The following ADAM18 variants were observed in gnomAD, a reference collection of about 807,000 sequenced individuals.
ADAM18 encodes ADAM metallopeptidase domain 18.
In ADAM18, 117 loss-of-function variants were observed where a neutral mutation model predicts 94.4. The observed-to-expected ratio is 1.24, with a 90% confidence interval of 1.07 to 1.45. The LOEUF (loss-of-function observed/expected upper bound fraction) is 1.45, where lower values mean the gene tolerates loss of function less well. Ranked by LOEUF, ADAM18 falls within the 40% of genes most tolerant of loss-of-function variation. The pLI is 0.00. For missense variants in ADAM18, 936 were observed against 880.0 expected (o/e 1.06, Z -0.81); for synonymous variants, 327 against 291.6 (o/e 1.12, Z -1.24).
At chr8:39,611,156 C>A in intron 6 of ADAM18, 1 of 894,176 alleles carries the variant, frequency 1.1e-6, no homozygotes, top group Non-Finnish European at 1.3e-6. Flanking sequence ...TTTCTTTCAG[C>A]ACTTTGAATA....
intron 6 of ADAM18, among the ~76,000 whole-genome samples, chr8:39,617,641 G>T (rs943020373): frequency 1.3e-5 from 2 of 152,152 alleles, no homozygotes; most frequent in Non-Finnish European, 2.9e-5. Context: ...TATGCACCAT[G>T]GAATACTACA....
Position 39,723,763 on chromosome 8 carries a change from A to T in ADAM18, c.2033A>T (p.Glu678Val). ...TCATTTCTAGGTGACTTTTATACTGAAAAAGGCTACAATACACACTGGAAC... is the reference window on the plus strand; with the variant it reads ...TCATTTCTAGGTGACTTTTATACTGTAAAAGGCTACAATACACACTGGAAC... The part of the protein sequence containing the change: ...NFQKSGDFYT[E>V]KGYNTHWNNW... Residue 678 changes from glutamate (E) to valine (V), a missense_variant, in exon 19 of 20, where the codon GAA (glutamate) becomes GTA (valine). By Grantham distance (121) the Glu-to-Val change is moderately radical. Coordinates refer to ENST00000265707, the MANE Select transcript of ADAM18 (RefSeq NM_014237.3). 1.3e-6 allele frequency: 2 copies of T among 1,518,806 alleles called. No homozygotes were observed. Among genetic ancestry groups the T allele is most frequent in the Non-Finnish European group, 1.8e-6 (2 of 1,137,780 alleles). The allele number at this position is 1,518,806 out of a possible 1,614,324, so 94.1% of individuals were successfully genotyped here.
chr8:39,624,033 C>A (rs1819693407), intron 6 of ADAM18, among the ~76,000 whole-genome samples: 1 of 151,882 alleles, frequency 6.6e-6, no homozygotes, highest in Admixed American at 6.6e-5. Context: ...TGTTTGAGTT[C>A]CTTGTATATT....
intron 14 of ADAM18, among the ~76,000 whole-genome samples, chr8:39,676,994 A>G (rs986090681): frequency 4.6e-5 from 7 of 152,198 alleles, no homozygotes; most frequent in South Asian, 2.1e-4. Flanking sequence ...AAAATAAGCA[A>G]AGTATAGCCA....
At chr8:39,704,260 A>G (rs1822165982) in intron 17 of ADAM18, among the ~76,000 whole-genome samples, 2 of 152,186 alleles carry the variant, frequency 1.3e-5, no homozygotes, top group African/African-American at 4.8e-5. Context: ...ACAAAAAATT[A>G]AAATTTTAGG....
At chr8:39,637,061 ATATATG>A (rs1224880377) in intron 7 of ADAM18, among the ~76,000 whole-genome samples, 197 bp from the exon 8 acceptor site, 5 of 135,208 alleles carry the variant, frequency 3.7e-5, no homozygotes, top group East Asian at 2.2e-4. Flanking sequence ...ATATATATAT[ATATATG>A]TATATACATA....
At chr8:39,689,794 G>A (rs1821718364) in intron 16 of ADAM18, among the ~76,000 whole-genome samples, 1 of 152,158 alleles carries the variant, frequency 6.6e-6, no homozygotes, top group African/African-American at 2.4e-5. Flanking sequence ...GGGCAATGTG[G>A]CCATTTCAGC....
At chr8:39,661,387 G>T (rs1359311305) in intron 12 of ADAM18, among the ~76,000 whole-genome samples, 1 of 143,336 alleles carries the variant, frequency 7.0e-6, no homozygotes, top group Non-Finnish European at 1.5e-5. Flanking sequence ...TGTTAGCCAG[G>T]ATGGTCTCTA....
chr8:39,663,503 G>T (rs1006803670), intron 12 of ADAM18, among the ~76,000 whole-genome samples: 18 of 148,990 alleles, frequency 1.2e-4, no homozygotes, highest in African/African-American at 3.4e-4. Flanking sequence ...GGAGGCTGGG[G>T]TGGGAGGATC....
At chr8:39,621,995 A>G (rs1179090863) in intron 6 of ADAM18, among the ~76,000 whole-genome samples, 1 of 152,148 alleles carries the variant, frequency 6.6e-6, no homozygotes, top group Non-Finnish European at 1.5e-5. Flanking sequence ...TACTTGGGTG[A>G]TGGGATGATC....
At position 39,636,081 on chromosome 8, in the gene ADAM18, A is replaced by C. The variant is rs2167467; in HGVS notation, c.589-1183A>C. ...TCATGCAGCCTGGAGTGCAGTGACAAAATCATAGCTCACCGCAATCTCGAA... is the reference window on the plus strand; with the variant it reads ...TCATGCAGCCTGGAGTGCAGTGACACAATCATAGCTCACCGCAATCTCGAA... On this transcript the variant is annotated intron_variant, in intron 7 of 19. Coordinates refer to ENST00000265707, the MANE Select transcript of ADAM18 (RefSeq NM_014237.3). Among the ~76,000 whole-genome samples the C allele has an allele frequency of 5.5e-3, 838 of 151,498 alleles. 3 individuals carry two copies. The highest frequency in any genetic ancestry group is 0.019 in the African/African-American group (803 of 41,296).
At chr8:39,585,249 A>C (rs781091289) in intron 1 of ADAM18, 27 bp from the exon 2 acceptor site, 37 of 1,594,614 alleles carry the variant, frequency 2.3e-5, no homozygotes, top group Non-Finnish European at 3.2e-5. Context: ...AAACAAAGAC[A>C]AAAACAAACA....
intron 14 of ADAM18, among the ~76,000 whole-genome samples, chr8:39,669,830 A>T (rs1351632595): frequency 6.6e-6 from 1 of 152,192 alleles, no homozygotes; most frequent in Non-Finnish European, 1.5e-5. Flanking sequence ...GTATATACCC[A>T]GTAATGGGAT....
intron 3 of ADAM18, among the ~76,000 whole-genome samples, chr8:39,607,819 T>C (rs1450797803): frequency 6.6e-6 from 1 of 151,984 alleles, no homozygotes; most frequent in East Asian, 1.9e-4. Context: ...TCTGGTTTTT[T>C]TTTTTCCCCC....
rs1820350073 is a variant in ADAM18, at chr8:39,645,373, T to A, written c.945T>A (p.Val315=). The A allele has an allele frequency of 6.2e-7, 1 of 1,612,284 alleles. No individual in the cohort carries two copies. The highest frequency in any genetic ancestry group is 1.3e-5 in the African/African-American group (1 of 74,870). Residue 315 remains valine (V), a synonymous_variant, in exon 11 of 20, where the codon GTT becomes GTA. Transcript: ENST00000265707. ...PDAIGLEGFS[V]IIAQLLGLNV... is the part of the protein sequence containing the mutation. The stretch of plus-strand genomic sequence containing the variant: ...CAATAGGTTTGGAGGGATTTTCGGT[T>A]ATTATAGCTCAACTGCTTGGCCTTA...
intron 19 of ADAM18, 75 bp downstream of exon 19, chr8:39,723,982 C>G (rs1265707568): frequency 1.1e-6 from 1 of 905,436 alleles, no homozygotes; most frequent in Non-Finnish European, 1.5e-6. Flanking sequence ...TTTTATATAA[C>G]ATTTGTTATA....
At chr8:39,720,673 C>A (rs748112758) in intron 18 of ADAM18, among the ~76,000 whole-genome samples, 8 of 151,102 alleles carry the variant, frequency 5.3e-5, no homozygotes, top group Non-Finnish European at 8.9e-5. Flanking sequence ...AGCTTTCATC[C>A]AACTGTACAG....
intron 18 of ADAM18, among the ~76,000 whole-genome samples, chr8:39,714,744 C>A (rs2129581574): frequency 6.6e-6 from 1 of 152,200 alleles, no homozygotes; most frequent in South Asian, 2.1e-4. Context: ...AGTAAGTCCT[C>A]ACTTAATTCC....
intron 17 of ADAM18, 109 bp downstream of exon 17, chr8:39,692,789 T>C: frequency 1.4e-6 from 1 of 721,436 alleles, no homozygotes; most frequent in Admixed American, 3.2e-5. Flanking sequence ...TCTGGTAGAC[T>C]AATATAAAGA....
Sources: gnomAD v4.1 joint callset for allele counts (sites outside exome capture counted in the v4.1 genomes callset) on GRCh38, gnomAD v4.1.1 for gene constraint, MANE v1.5 for transcripts, NCBI Gene and HGNC (gene_info 2026-07-23, HGNC 2026-07-21) for gene names.